IFT80: variants seen among roughly 807,000 people sequenced by gnomAD.
The protein encoded by IFT80 is intraflagellar transport protein 80 homolog.
IFT80 carries 79 observed loss-of-function variants against 107.9 expected under a neutral mutation model. The observed-to-expected ratio is 0.73, with a 90% CI of 0.61 to 0.88. IFT80 has a LOEUF of 0.88. Ranked by LOEUF, IFT80 falls within the 40% of genes least tolerant of loss-of-function variation. The pLI, the probability that IFT80 is intolerant of heterozygous loss-of-function variation, is 0.00. For synonymous variants in IFT80, 299 were observed against 300.9 expected (o/e 0.99, Z 0.07); for missense variants, 797 against 914.2 (o/e 0.87, Z 1.65).
intron 8 of IFT80, among the ~76,000 whole-genome samples, chr3:160,344,832 A>G (rs1199457426): frequency 6.6e-6 from 1 of 152,210 alleles, no homozygotes; most frequent in African/African-American, 2.4e-5. Flanking sequence ...GGAAACAGGT[A>G]TATGAAAAGG....
At chr3:160,367,113 T>C (rs1454240050) in intron 5 of IFT80, among the ~76,000 whole-genome samples, 1 of 150,458 alleles carries the variant, frequency 6.6e-6, no homozygotes, top group East Asian at 1.9e-4. Context: ...TTGAATCTCA[T>C]TTTTTTTATG....
At chr3:160,357,460 G>T in intron 7 of IFT80, 29 bp downstream of exon 7, 1 of 1,157,098 alleles carries the variant, frequency 8.6e-7, no homozygotes, top group East Asian at 2.3e-5. Flanking sequence ...GATTATTTCA[G>T]CCAAGTGATA....
chr3:160,311,721 C>A (rs1291171252), intron 9 of IFT80, among the ~76,000 whole-genome samples: 1 of 152,172 alleles, frequency 6.6e-6, no homozygotes, highest in Non-Finnish European at 1.5e-5. Flanking sequence ...CAAAGAAAAA[C>A]ACCTCTACTT....
chr3:160,393,424 G>T (rs1713532882), intron 1 of IFT80, among the ~76,000 whole-genome samples: 1 of 152,108 alleles, frequency 6.6e-6, no homozygotes, highest in Non-Finnish European at 1.5e-5. Context: ...TAGTACAAAA[G>T]GACAAATACT....
chr3:160,388,037 G>A (rs1468215515), intron 1 of IFT80, among the ~76,000 whole-genome samples: 2 of 138,676 alleles, frequency 1.4e-5, no homozygotes, highest in East Asian at 4.2e-4. Flanking sequence ...GGAACTGACA[G>A]GCCAGGGATT....
At chr3:160,399,076 A>G (rs1714132382) in intron 1 of IFT80, 70 bp downstream of exon 1, 1 of 152,244 alleles carries the variant, frequency 6.6e-6, no homozygotes, top group Admixed American at 6.5e-5. Flanking sequence ...AAAACAGGAA[A>G]GATGGGATCC....
At chr3:160,335,115 C>T (rs918785698) in intron 8 of IFT80, among the ~76,000 whole-genome samples, 1 of 151,116 alleles carries the variant, frequency 6.6e-6, no homozygotes, top group Non-Finnish European at 1.5e-5. Flanking sequence ...AGTCTTACCC[C>T]AGGATCTCCT....
intron 19 of IFT80, 123 bp from the exon 20 acceptor site, chr3:160,258,758 G>T (rs1712560330): frequency 8.0e-7 from 1 of 1,252,252 alleles, no homozygotes; most frequent in African/African-American, 1.5e-5. Flanking sequence ...GAAAAAGAGA[G>T]CATCAAAAGA....
chr3:160,273,576 A>C (rs1357831022), intron 18 of IFT80, among the ~76,000 whole-genome samples: 5 of 152,210 alleles, frequency 3.3e-5, no homozygotes, highest in Non-Finnish European at 4.4e-5. Flanking sequence ...TGTACAGCTG[A>C]AAGAATGATA....
At chr3:160,311,249 T>C (rs1717225863) in intron 9 of IFT80, among the ~76,000 whole-genome samples, 1 of 152,148 alleles carries the variant, frequency 6.6e-6, no homozygotes, top group Non-Finnish European at 1.5e-5. Flanking sequence ...AACAAATAAA[T>C]TGTAAGTAAA....
intron 6 of IFT80, among the ~76,000 whole-genome samples, chr3:160,361,057 GC>G: frequency 6.6e-6 from 1 of 152,270 alleles, no homozygotes; most frequent in Middle Eastern, 3.4e-3. Flanking sequence ...TGGGCTAAAT[GC>G]CCCAATTAAA....
chr3:160,271,179 TAA>T (rs1024559924), intron 18 of IFT80, among the ~76,000 whole-genome samples: 2 of 152,052 alleles, frequency 1.3e-5, no homozygotes, highest in Admixed American at 1.3e-4. Flanking sequence ...ACATACTGGG[TAA>T]AAAAATGTTT....
intron 8 of IFT80, among the ~76,000 whole-genome samples, chr3:160,341,310 G>A (rs1397425449): frequency 2.7e-5 from 4 of 150,558 alleles, no homozygotes; most frequent in African/African-American, 9.8e-5. Flanking sequence ...TGCGATTTGT[G>A]GTTTTGGCTT....
intron 5 of IFT80, among the ~76,000 whole-genome samples, chr3:160,374,105 A>G (rs1296709597): frequency 6.6e-6 from 1 of 152,146 alleles, no homozygotes; most frequent in Non-Finnish European, 1.5e-5. Flanking sequence ...AATTGAAGGA[A>G]GTGGAAGAAG....
At chr3:160,276,602 G>A (rs1316393937) in intron 18 of IFT80, among the ~76,000 whole-genome samples, 4 of 152,126 alleles carry the variant, frequency 2.6e-5, no homozygotes, top group Non-Finnish European at 5.9e-5. Flanking sequence ...ATGAGTGGGA[G>A]GAACCTCTTA....
intron 2 of IFT80, 125 bp downstream of exon 2, chr3:160,384,439 G>A: frequency 7.3e-7 from 1 of 1,373,642 alleles, no homozygotes; most frequent in Non-Finnish European, 9.4e-7. Flanking sequence ...AAACAATTTA[G>A]GTAAACAGCC....
chr3:160,393,822 T>C (rs1276857896), intron 1 of IFT80, among the ~76,000 whole-genome samples: 2 of 152,196 alleles, frequency 1.3e-5, no homozygotes, highest in African/African-American at 4.8e-5. Flanking sequence ...GAAAAATCTC[T>C]AGTAGTGAAC....
At chr3:160,267,587 C>A (rs1321195775) in intron 19 of IFT80, among the ~76,000 whole-genome samples, 1 of 152,170 alleles carries the variant, frequency 6.6e-6, no homozygotes, top group Non-Finnish European at 1.5e-5. Context: ...ATCTATATGG[C>A]TAGTGACATG....
chr3:160,363,549 T>C (rs1276469940), intron 6 of IFT80, among the ~76,000 whole-genome samples: 1 of 152,140 alleles, frequency 6.6e-6, no homozygotes. Context: ...AGAGCCTGCA[T>C]TGCCAAGACA....
Sources: allele counts gnomAD v4.1 joint callset (sites outside exome capture counted in the v4.1 genomes callset), GRCh38; gene constraint gnomAD v4.1.1; transcripts MANE v1.5; gene names NCBI Gene and HGNC (gene_info 2026-07-23, HGNC 2026-07-21).